Variants in PCCB observed in about 807,000 individuals in gnomAD.
PCCB encodes the protein propionyl-CoA carboxylase subunit beta.
In PCCB, 43 loss-of-function variants were observed where a neutral mutation model predicts 60.7. That is an observed-to-expected ratio of 0.71 (90% CI 0.55 to 0.91). The LOEUF (loss-of-function observed/expected upper bound fraction) is 0.91, where lower values mean the gene tolerates loss of function less well. Ranked by LOEUF, PCCB falls within the 40% of genes least tolerant of loss-of-function variation. The pLI is 0.00. For synonymous variants in PCCB, 276 were observed against 255.9 expected (o/e 1.08, Z -0.75); for missense variants, 766 against 702.8 (o/e 1.09, Z -1.02).
chr3:136,292,562 T>C (rs1933743561), intron 6 of PCCB, among the ~76,000 whole-genome samples: 1 of 152,194 alleles, frequency 6.6e-6, no homozygotes, highest in African/African-American at 2.4e-5. Flanking sequence ...AAAGTTATGA[T>C]ACAAATCCTA....
intron 5 of PCCB, among the ~76,000 whole-genome samples, chr3:136,280,222 G>T (rs544826338): frequency 6.6e-6 from 1 of 152,136 alleles, no homozygotes; most frequent in Non-Finnish European, 1.5e-5. Context: ...CTTGTATGGC[G>T]TGTCTATTGC....
At chr3:136,283,344 A>C (rs1365447406) in intron 5 of PCCB, among the ~76,000 whole-genome samples, 1 of 152,090 alleles carries the variant, frequency 6.6e-6, no homozygotes, top group Non-Finnish European at 1.5e-5. Flanking sequence ...GGCAGAGTAG[A>C]CACTGGGTAC....
intron 5 of PCCB, among the ~76,000 whole-genome samples, chr3:136,270,076 A>G (rs1942151689): frequency 6.6e-6 from 1 of 151,340 alleles, no homozygotes; most frequent in African/African-American, 2.4e-5. Context: ...TTTATCATGA[A>G]GGGTATTTAA....
At chr3:136,324,969 T>C (rs1172132116) in intron 10 of PCCB, among the ~76,000 whole-genome samples, 3 of 152,238 alleles carry the variant, frequency 2.0e-5, no homozygotes, top group Non-Finnish European at 4.4e-5. Flanking sequence ...CTTGGCTCAC[T>C]GCAACCTCCT....
At chr3:136,262,887 C>T (rs1284657215) in intron 5 of PCCB, among the ~76,000 whole-genome samples, 2 of 151,160 alleles carry the variant, frequency 1.3e-5, no homozygotes, top group Non-Finnish European at 2.9e-5. Flanking sequence ...TAAACCACCA[C>T]ATTTTAGAGC....
rs1933602572 is a variant in PCCB, at chr3:136,290,052, A to C, written c.655-3704A>C. On this transcript the variant is annotated intron_variant, in intron 6 of 14. Coordinates refer to ENST00000251654, the MANE Select transcript of PCCB (RefSeq NM_000532.5). ...CATAATTGAATGTGTACATAATTGAATTTTTGCTACTATTAATTTGAATCA... is the reference window on the plus strand; with the variant it reads ...CATAATTGAATGTGTACATAATTGACTTTTTGCTACTATTAATTTGAATCA... 2.0e-5 allele frequency among the ~76,000 whole-genome samples: 3 copies of C among 152,138 alleles called. No individual in the cohort carries two copies. In the South Asian group the frequency reaches 6.2e-4, roughly 32 times the overall value.
intron 5 of PCCB, among the ~76,000 whole-genome samples, chr3:136,271,227 G>A (rs1942190567): frequency 6.6e-6 from 1 of 152,034 alleles, no homozygotes; most frequent in Non-Finnish European, 1.5e-5. Flanking sequence ...TTCCAATGTT[G>A]CAGAATTTTT....
At chr3:136,325,922 T>G (rs1935290079) in intron 10 of PCCB, among the ~76,000 whole-genome samples, 1 of 152,104 alleles carries the variant, frequency 6.6e-6, no homozygotes, top group South Asian at 2.1e-4. Flanking sequence ...CACACCATTC[T>G]CCTGCCTCAG....
chr3:136,284,152 A>C (rs1055306896), intron 6 of PCCB, among the ~76,000 whole-genome samples: 4 of 152,148 alleles, frequency 2.6e-5, no homozygotes, highest in Admixed American at 6.5e-5. Flanking sequence ...ATGCTTATGT[A>C]CTTCATTGGT....
intron 3 of PCCB, among the ~76,000 whole-genome samples, chr3:136,258,820 T>C (rs1289753369): frequency 6.6e-6 from 1 of 152,078 alleles, no homozygotes; most frequent in Non-Finnish European, 1.5e-5. Flanking sequence ...CAGAGACTTC[T>C]GTTAGTCTCT....
At chr3:136,269,846 A>G (rs1237561207) in intron 5 of PCCB, among the ~76,000 whole-genome samples, 1 of 145,940 alleles carries the variant, frequency 6.9e-6, no homozygotes, top group African/African-American at 2.5e-5. Context: ...AGATCGTGCT[A>G]CTGCACTCCA....
At position 136,299,588 on chromosome 3, in the gene PCCB, A is replaced by G; in HGVS notation, c.885-1442A>G. On this transcript the variant is annotated intron_variant, in intron 8 of 14. Coordinates refer to ENST00000251654, the MANE Select transcript of PCCB (RefSeq NM_000532.5). ...TGTATATGCATGTGTATGTATAGGTATGCATGTGTATGTATGTATATGCAT... is the reference window on the plus strand; with the variant it reads ...TGTATATGCATGTGTATGTATAGGTGTGCATGTGTATGTATGTATATGCAT... Among the ~76,000 whole-genome samples the G allele has an allele frequency of 1.9e-5, 2 of 105,862 alleles. 1 individual carries two copies. The highest frequency in any genetic ancestry group is 3.9e-5 in the Non-Finnish European group (2 of 51,848). 69.4% of individuals were successfully genotyped at this position (105,862 alleles called of 152,430 possible). A position where few individuals can be genotyped will look rare whatever the true frequency, so the allele number is the denominator to read the frequency against.
At chr3:136,269,933 C>G (rs111233284) in intron 5 of PCCB, among the ~76,000 whole-genome samples, 1,621 of 147,336 alleles carry the variant, frequency 0.011, 31 homozygotes, top group East Asian at 0.045. Context: ...TTGTCTTGTT[C>G]CTAATCTTAA....
chr3:136,293,934 G>A (rs1933818667), intron 7 of PCCB, 70 bp downstream of exon 7: 1 of 933,950 alleles, frequency 1.1e-6, no homozygotes, highest in East Asian at 2.4e-5. Flanking sequence ...AGAGCCTGGT[G>A]GCAGTTTTTA....
Position 136,317,070 on chromosome 3 carries a change from A to G in PCCB, c.1090+6A>G. ...CCAACCTAAGGTGGCCTCAGGTAGG[A>G]TGGAGCTCTTATAAGCCTTGGTTTT... On this transcript the variant is annotated splice_donor_region_variant and intron_variant, in intron 10 of 14. Coordinates refer to ENST00000251654, the MANE Select transcript of PCCB (RefSeq NM_000532.5). 6.2e-7 allele frequency: 1 copy of G among 1,614,068 alleles called. No individual in the cohort carries two copies. Among genetic ancestry groups the G allele is most frequent in the Non-Finnish European group, 8.5e-7 (1 of 1,179,994 alleles).
rs1380357041 is a variant in PCCB at position 136,301,048 on chromosome 3, G to T, written c.903G>T (p.Glu301Asp). The T allele has an allele frequency of 1.2e-6, 2 of 1,614,014 alleles. No homozygotes were observed. Among genetic ancestry groups the T allele is most frequent in the East Asian group, 2.2e-5 (1 of 44,900 alleles). The part of the protein sequence containing the change: ...CHDPSDRLVP[E>D]LDTIVPLEST... ...CCTAAAGTGACCGTCTGGTTCCTGA[G>T]CTTGACACAATTGTCCCTTTGGAAT... Residue 301 changes from glutamate (E) to aspartate (D), a missense_variant, in exon 9 of 15, where the codon GAG becomes GAT. Transcript: ENST00000251654.
intron 7 of PCCB, among the ~76,000 whole-genome samples, chr3:136,294,601 T>TGTCCGGCTAGTTGTTC: frequency 6.6e-6 from 1 of 150,912 alleles, no homozygotes; most frequent in East Asian, 2.0e-4. Flanking sequence ...TGAGCCACCA[T>TGTCCGGCTAGTTGTTC]ACCTGGCTTT....
At chr3:136,272,544 T>C (rs539862546) in intron 5 of PCCB, among the ~76,000 whole-genome samples, 1 of 152,262 alleles carries the variant, frequency 6.6e-6, no homozygotes, top group South Asian at 2.1e-4. Flanking sequence ...TTGTTTTTGG[T>C]CTGTTCAGGG....
intron 10 of PCCB, among the ~76,000 whole-genome samples, chr3:136,324,347 T>C (rs927298980): frequency 6.6e-6 from 1 of 152,202 alleles, no homozygotes; most frequent in African/African-American, 2.4e-5. Flanking sequence ...ATTGTCTCTG[T>C]GTTGGGGCTC....
Sources: allele counts gnomAD v4.1 joint callset (sites outside exome capture counted in the v4.1 genomes callset), GRCh38; gene constraint gnomAD v4.1.1; transcripts MANE v1.5; gene names NCBI Gene and HGNC (gene_info 2026-07-23, HGNC 2026-07-21).